The following CDC42BPB variants were observed in gnomAD, a reference collection of about 807,000 sequenced individuals.
The protein encoded by CDC42BPB is CDC42 binding protein kinase beta.
A neutral mutation model predicts 214.9 loss-of-function variants in CDC42BPB; 37 were observed. That is an observed-to-expected ratio of 0.17 (90% confidence interval 0.13 to 0.23). CDC42BPB has a LOEUF of 0.23. Ranked by LOEUF, CDC42BPB falls within the 10% of genes least tolerant of loss-of-function variation. The pLI, the probability that CDC42BPB is intolerant of heterozygous loss-of-function variation, is 1.00. For missense variants in CDC42BPB, 1,694 were observed against 2,227.0 expected, an observed-to-expected ratio of 0.76 and a Z score of 4.82; for synonymous variants, 931 against 884.0, an observed-to-expected ratio of 1.05 and a Z score of -0.94.
intron 36 of CDC42BPB, chr14:102,936,943 TAGG>T (rs1325189336): frequency 2.6e-5 from 4 of 152,164 alleles, no homozygotes; most frequent in Non-Finnish European, 5.9e-5. Flanking sequence ...GAGGCCAAGG[TAGG>T]AGGACAGCTT....
At chr14:102,952,279 C>A (rs1234852086) in intron 24 of CDC42BPB, among the ~76,000 whole-genome samples, 1 of 152,198 alleles carries the variant, frequency 6.6e-6, no homozygotes, top group Non-Finnish European at 1.5e-5. Context: ...ATCGCTTGAG[C>A]TGAACTGTGA....
chr14:102,981,731 C>T (rs897341806), intron 7 of CDC42BPB, among the ~76,000 whole-genome samples: 2 of 152,114 alleles, frequency 1.3e-5, no homozygotes, highest in Admixed American at 6.6e-5. Flanking sequence ...GAGCCAAGAT[C>T]GTGCCACTGC....
At chr14:102,963,290 G>A (rs1202014126) in intron 19 of CDC42BPB, 135 bp from the exon 20 acceptor site, 2 of 1,385,304 alleles carry the variant, frequency 1.4e-6, no homozygotes, top group Non-Finnish European at 1.9e-6. Flanking sequence ...AGCTCATGCT[G>A]GGCCTTTCTA....
chr14:103,029,167 C>T lies in CDC42BPB; in HGVS notation c.176-16979G>A, dbSNP rs568283408. Among the ~76,000 whole-genome samples the T allele has an allele frequency of 2.0e-5, 3 of 152,350 alleles. No homozygotes were observed. The East Asian group carries it at 5.8e-4, about 29-fold the overall frequency. On this transcript the variant is annotated intron_variant, in intron 1 of 36. Transcript: ENST00000361246. ...TTATTTAGACATTGACTCTGCATTT[C>T]TGCATGAGGAATAAGTATGTCTCTG... is the stretch of plus-strand genomic sequence containing the variant.
In CDC42BPB at chr14:102,986,566, T is replaced by C; in HGVS notation, c.611A>G (p.Asp204Gly). 1 of 1,613,774 alleles carries C rather than the reference T, an allele frequency of 6.2e-7. No individual in the cohort carries two copies. The highest frequency in any genetic ancestry group is 1.3e-5 in the African/African-American group (1 of 75,048). Residue 204 changes from aspartate (D) to glycine (G), a missense_variant, in exon 6 of 37, where the codon GAC (aspartate) becomes GGC (glycine). This residue lies in a region of CDC42BPB where 225 missense variants were observed against 459.3 expected (regional missense o/e 0.49). Coordinates refer to ENST00000361246, the MANE Select transcript of CDC42BPB (RefSeq NM_006035.4). The part of the protein sequence containing the change: ...LHYVHRDIKP[D>G]NVLLDVNGHI... ...ACCATTCACGTCCAAAAGGACATTG[T>C]CAGGTTTAATGTCTCTGTTTGTAAA...
In CDC42BPB at chr14:103,054,767, T is replaced by A. The variant is rs375550325; in HGVS notation, c.175+2232A>T. On this transcript the variant is annotated intron_variant, in intron 1 of 36. Transcript: ENST00000361246. ...TTCCTGAGAATAATGTAGTTTGTAA[T>A]CACAATTTCCAAAGAGCCAGAATAC... Among the ~76,000 whole-genome samples the A allele has an allele frequency of 3.3e-5, 5 of 152,366 alleles. No individual in the cohort carries two copies. In the East Asian group the frequency reaches 9.6e-4, roughly 29 times the overall value.
chr14:102,983,415 T>C (rs1178863726), intron 7 of CDC42BPB, 141 bp downstream of exon 7: 1 of 1,279,210 alleles, frequency 7.8e-7, no homozygotes, highest in Non-Finnish European at 1.1e-6. Flanking sequence ...AATCTGCCTG[T>C]CCCCAGTTTG....
chr14:103,045,196 G>A (rs936130939), intron 1 of CDC42BPB, among the ~76,000 whole-genome samples: 9 of 152,150 alleles, frequency 5.9e-5, no homozygotes, highest in African/African-American at 2.2e-4. Flanking sequence ...TGTTTTGGGT[G>A]CTGTGGCAAG....
intron 11 of CDC42BPB, 169 bp from the exon 12 acceptor site, chr14:102,974,318 A>ACACACACG (rs1893636062): frequency 1.0e-6 from 1 of 984,050 alleles, no homozygotes; most frequent in Admixed American, 6.2e-5. Flanking sequence ...ACACACACAC[A>ACACACACG]CAGTGTCATA....
chr14:102,969,137 CGTGCCAGGATG>C (rs34616318), intron 14 of CDC42BPB, among the ~76,000 whole-genome samples: 1,623 of 152,320 alleles, frequency 0.011, 14 homozygotes, highest in Non-Finnish European at 0.018. Flanking sequence ...GAGTGGAGGG[CGTGCCAGGATG>C]GCTGGGGCGG....
At chr14:102,976,126 G>A (rs1343140434) in intron 9 of CDC42BPB, 77 bp from the exon 10 acceptor site, 3 of 1,561,080 alleles carry the variant, frequency 1.9e-6, no homozygotes, top group African/African-American at 1.4e-5. Context: ...TCTTCCTGAG[G>A]TGAAAGATAG....
At position 102,938,153 on chromosome 14, in the gene CDC42BPB, G is replaced by T; in HGVS notation, c.4955C>A (p.Thr1652Asn). ...PSSGGSEPSV[T>N]VPLRSMSDPD... ...ATCAGACATACTTCTCAGAGGCACA[G>T]TCACGCTAGGCTCCGATCCACCTAC... is the stretch of plus-strand genomic sequence containing the variant. The change falls in exon 36 of 37, where the codon ACT becomes AAT. Residue 1652 changes from threonine to asparagine, a missense_variant. Physicochemically the swap from Thr to Asn is moderately conservative, Grantham distance 65 (BLOSUM62 0). Coordinates refer to ENST00000361246, the MANE Select transcript of CDC42BPB (RefSeq NM_006035.4). The T allele has an allele frequency of 6.2e-7, 1 of 1,613,900 alleles. No homozygotes were observed. Among genetic ancestry groups the T allele is most frequent in the East Asian group, 2.2e-5 (1 of 44,878 alleles).
chr14:102,959,281 A>G (rs1468418456), intron 21 of CDC42BPB, among the ~76,000 whole-genome samples: 1 of 130,380 alleles, frequency 7.7e-6, no homozygotes, highest in African/African-American at 2.8e-5. Context: ...TGGGTGACAG[A>G]GCAAGACTCC....
intron 1 of CDC42BPB, among the ~76,000 whole-genome samples, chr14:103,016,039 G>C (rs886714324): frequency 1.3e-5 from 2 of 152,144 alleles, no homozygotes; most frequent in African/African-American, 4.8e-5. Flanking sequence ...TTAAAACTTA[G>C]AAACCTGGAC....
chr14:102,989,173 G>A (rs1167196125), intron 5 of CDC42BPB, among the ~76,000 whole-genome samples: 1 of 152,104 alleles, frequency 6.6e-6, no homozygotes, highest in Non-Finnish European at 1.5e-5. Context: ...TCAACATCAC[G>A]AGAAAGGTGA....
At chr14:102,973,987 C>A (rs1893610192) in intron 12 of CDC42BPB, 29 bp downstream of exon 12, 2 of 1,584,006 alleles carry the variant, frequency 1.3e-6, no homozygotes, top group African/African-American at 1.4e-5. Flanking sequence ...GTCCCGTAAG[C>A]CTTTCTCACC....
chr14:102,950,291 G>C (rs1892426234), intron 25 of CDC42BPB, among the ~76,000 whole-genome samples, 175 bp downstream of exon 25: 1 of 152,262 alleles, frequency 6.6e-6, no homozygotes, highest in South Asian at 2.1e-4. Flanking sequence ...AGGCCATTCA[G>C]AACAGCGGCT....
At chr14:102,965,140 G>T (rs1893140182) in intron 18 of CDC42BPB, among the ~76,000 whole-genome samples, 1 of 151,768 alleles carries the variant, frequency 6.6e-6, no homozygotes, top group Non-Finnish European at 1.5e-5. Context: ...CACCACGTTG[G>T]CCAGGCTAGT....
chr14:103,034,825 A>G (rs1887579336), intron 1 of CDC42BPB, among the ~76,000 whole-genome samples: 1 of 152,004 alleles, frequency 6.6e-6, no homozygotes, highest in African/African-American at 2.4e-5. Context: ...CTCCAAAAAA[A>G]AAAAAAAAAG....
Sources: gnomAD v4.1 joint callset for allele counts (sites outside exome capture counted in the v4.1 genomes callset) on GRCh38, gnomAD v4.1.1 for gene constraint, gnomAD v4.1.1 regional missense constraint, MANE v1.5 for transcripts, NCBI Gene and HGNC (gene_info 2026-07-23, HGNC 2026-07-21) for gene names.